The following FANCB variants were observed in gnomAD, a reference collection of about 807,000 sequenced individuals.
FANCB encodes FA complementation group B, also known as Fanconi anemia group B protein.
A neutral mutation model predicts 38.9 loss-of-function variants in FANCB; 5 were observed. The ratio of observed to expected loss-of-function variants is 0.13; its 90% CI spans 0.07 to 0.27. The LOEUF is 0.27. Ranked by LOEUF, FANCB falls within the 10% of genes least tolerant of loss-of-function variation. The pLI, the probability that FANCB is intolerant of heterozygous loss-of-function variation, is 1.00. For synonymous variants in FANCB, 236 were observed against 215.4 expected (o/e 1.10, Z -0.84); for missense variants, 573 against 602.7 (o/e 0.95, Z 0.52).
the FANCB span, among the ~76,000 whole-genome samples, chrX:14,698,346 T>C: frequency 2.7e-5 from 3 of 110,958 alleles, no homozygotes; most frequent in Non-Finnish European, 5.7e-5. Flanking sequence ...CAGAAATGCA[T>C]TGTGGCCTGA....
the FANCB span, among the ~76,000 whole-genome samples, chrX:14,774,839 T>G: frequency 9.0e-6 from 1 of 110,939 alleles, no homozygotes; most frequent in Non-Finnish European, 1.9e-5. Context: ...TATTTATTTA[T>G]TTATTTATTT....
the FANCB span, among the ~76,000 whole-genome samples, chrX:14,712,413 A>G: frequency 9.0e-6 from 1 of 111,508 alleles, no homozygotes; most frequent in East Asian, 2.8e-4. Context: ...GATCCTCTCC[A>G]CTAATCGCAC....
At chrX:14,774,944 C>T in the FANCB span, among the ~76,000 whole-genome samples, 4 of 110,546 alleles carry the variant, frequency 3.6e-5, no homozygotes, top group African/African-American at 9.9e-5. Flanking sequence ...GCCATTCTCC[C>T]GCCTCAGCCT....
chrX:14,817,581 C>T, the FANCB span, among the ~76,000 whole-genome samples: 1 of 111,397 alleles, frequency 9.0e-6, no homozygotes, highest in Non-Finnish European at 1.9e-5. Context: ...AAACTACATG[C>T]TCTGGAGAGT....
chrX:14,782,366 A>T, the FANCB span, among the ~76,000 whole-genome samples: 1 of 111,786 alleles, frequency 8.9e-6, no homozygotes, highest in Non-Finnish European at 1.9e-5. Flanking sequence ...TGTAAAATGA[A>T]ACTCATCAAG....
the FANCB span, among the ~76,000 whole-genome samples, chrX:14,759,140 C>G: frequency 2.7e-5 from 3 of 111,503 alleles, no homozygotes; most frequent in African/African-American, 9.8e-5. Flanking sequence ...GAAGACAAGG[C>G]TTTCAAATTA....
chrX:14,708,445 T>C, the FANCB span, among the ~76,000 whole-genome samples: 3 of 111,217 alleles, frequency 2.7e-5, no homozygotes, highest in East Asian at 8.5e-4. Flanking sequence ...TATGTTGCAC[T>C]AACTATATTG....
At chrX:14,804,537 T>G in the FANCB span, among the ~76,000 whole-genome samples, 1 of 111,285 alleles carries the variant, frequency 9.0e-6, no homozygotes, top group Non-Finnish European at 1.9e-5. Context: ...TAATGTTAAA[T>G]GATGAGTTAC....
chrX:14,776,463 C>T, the FANCB span, among the ~76,000 whole-genome samples: 1 of 111,290 alleles, frequency 9.0e-6, no homozygotes, highest in East Asian at 2.8e-4. Context: ...TCTGGGCCTC[C>T]GTTTTTTCTT....
chrX:14,759,097 A>G, the FANCB span, among the ~76,000 whole-genome samples: 12 of 112,132 alleles, frequency 1.1e-4, no homozygotes, highest in African/African-American at 3.9e-4. Context: ...CAGCAACAGA[A>G]TCAAACAAGT....
the FANCB span, among the ~76,000 whole-genome samples, chrX:14,805,158 C>T: frequency 9.0e-6 from 1 of 111,484 alleles, no homozygotes; most frequent in Non-Finnish European, 1.9e-5. Flanking sequence ...CCACTTCTCC[C>T]TGAGCCCACC....
the FANCB span, among the ~76,000 whole-genome samples, chrX:14,749,542 C>T: frequency 9.0e-6 from 1 of 111,538 alleles, no homozygotes; most frequent in African/African-American, 3.3e-5. Context: ...GAAATTGATA[C>T]ATAAAATTCG....
the FANCB span, among the ~76,000 whole-genome samples, chrX:14,698,681 C>CAAAAAAA: frequency 1.4e-4 from 3 of 21,143 alleles, no homozygotes; most frequent in Non-Finnish European, 1.6e-4. Context: ...CTATCTATCT[C>CAAAAAAA]AAAAAAAAAA....
the FANCB span, chrX:14,730,393 C>T: frequency 8.3e-7 from 1 of 1,204,656 alleles, no homozygotes; most frequent in Non-Finnish European, 1.1e-6. Flanking sequence ...CACGATATCT[C>T]GAGCTGCCTT....
the FANCB span, among the ~76,000 whole-genome samples, chrX:14,756,337 T>C: frequency 9.8e-5 from 11 of 111,786 alleles, no homozygotes; most frequent in African/African-American, 2.9e-4. Flanking sequence ...TACATCAAAC[T>C]AAAAAGCATC....
chrX:14,710,111 A>G, the FANCB span, among the ~76,000 whole-genome samples: 1 of 111,794 alleles, frequency 8.9e-6, no homozygotes, highest in Non-Finnish European at 1.9e-5. Flanking sequence ...TTTCATCATG[A>G]ACCTAACCTG....
the FANCB span, among the ~76,000 whole-genome samples, chrX:14,775,160 G>GTTTTTTTGTTTT: frequency 5.7e-5 from 2 of 35,001 alleles, no homozygotes; most frequent in Non-Finnish European, 1.2e-4. Flanking sequence ...TTTCTCTAAT[G>GTTTTTTTGTTTT]TTTTTTTTTT....
At chrX:14,770,134 G>A in the FANCB span, among the ~76,000 whole-genome samples, 1 of 112,444 alleles carries the variant, frequency 8.9e-6, no homozygotes, top group African/African-American at 3.2e-5. Context: ...TGGGTGGAAA[G>A]TTCTGTAGAT....
At chrX:14,812,261 A>G in the FANCB span, among the ~76,000 whole-genome samples, 1 of 111,017 alleles carries the variant, frequency 9.0e-6, no homozygotes, top group Admixed American at 9.6e-5. Flanking sequence ...AGAACTAGAA[A>G]AGCAAGAGCA....
Sources: gnomAD v4.1 joint callset for allele counts (sites outside exome capture counted in the v4.1 genomes callset) on GRCh38, gnomAD v4.1.1 for gene constraint, MANE v1.5 for transcripts, NCBI Gene and HGNC (gene_info 2026-07-23, HGNC 2026-07-21) for gene names.